Variants in FSTL5 observed in about 807,000 individuals in gnomAD.
FSTL5 encodes follistatin-related protein 5.
In FSTL5, 62 loss-of-function variants were observed where a neutral mutation model predicts 89.1. That is an observed-to-expected ratio of 0.70 (90% CI 0.57 to 0.86). FSTL5 has a LOEUF of 0.86. Among genes scored for constraint, FSTL5 ranks in the 40% least tolerant of loss-of-function variants. FSTL5 has a pLI of 0.00. For missense variants in FSTL5, 1,057 were observed against 1,001.6 expected (o/e 1.06, Z -0.75); for synonymous variants, 383 against 346.2 (o/e 1.11, Z -1.18).
intron 1 of FSTL5, among the ~76,000 whole-genome samples, chr4:162,163,343 A>G (rs1398955398): frequency 6.6e-6 from 1 of 151,482 alleles, no homozygotes; most frequent in Non-Finnish European, 1.5e-5. Flanking sequence ...ATATTTATAA[A>G]GCAAGATATA....
intron 4 of FSTL5, among the ~76,000 whole-genome samples, chr4:161,891,276 G>A (rs1329144577): frequency 6.6e-6 from 1 of 151,900 alleles, no homozygotes; most frequent in Non-Finnish European, 1.5e-5. Context: ...CCTTATTTCA[G>A]AATTTTATTT....
At position 161,694,083 on chromosome 4, in the gene FSTL5, G is replaced by T. The variant is rs1297756043; in HGVS notation, c.728-37589C>A. Among the ~76,000 whole-genome samples, 6 of 138,398 alleles carry T rather than the reference G, an allele frequency of 4.3e-5. No individual in the cohort carries two copies. The East Asian group carries it at 1.2e-3, about 27-fold the overall frequency. The allele number at this position is 138,398 out of a possible 152,430, so 90.8% of individuals were successfully genotyped here. ...ATCTTTACAAAGAACCAACTTTTAGGTTTATCTGTTCTCTCTATTGCTTTG... is the reference window on the plus strand; with the variant it reads ...ATCTTTACAAAGAACCAACTTTTAGTTTTATCTGTTCTCTCTATTGCTTTG... On this transcript the variant is annotated intron_variant, in intron 6 of 15. Transcript: ENST00000306100.
intron 3 of FSTL5, among the ~76,000 whole-genome samples, chr4:162,007,205 T>C (rs1201615746): frequency 3.3e-5 from 5 of 151,986 alleles, no homozygotes; most frequent in Middle Eastern, 3.4e-3. Context: ...GAGTGCTATG[T>C]TAAGCAAGCC....
intron 8 of FSTL5, among the ~76,000 whole-genome samples, chr4:161,549,343 T>C (rs1368180293): frequency 1.3e-5 from 2 of 151,790 alleles, no homozygotes; most frequent in Non-Finnish European, 2.9e-5. Flanking sequence ...CAAAGCAATA[T>C]ATATTGTAAA....
intron 4 of FSTL5, among the ~76,000 whole-genome samples, chr4:161,905,378 A>C (rs1226158396): frequency 6.6e-6 from 1 of 152,146 alleles, no homozygotes; most frequent in Non-Finnish European, 1.5e-5. Flanking sequence ...AGATGTCATT[A>C]CCACATTGTA....
chr4:161,785,508 T>C (rs1191997636), intron 4 of FSTL5, among the ~76,000 whole-genome samples: 1 of 152,180 alleles, frequency 6.6e-6, no homozygotes. Flanking sequence ...TTTGTATTCA[T>C]CTAACAATAT....
chr4:161,884,645 A>T (rs1440594), intron 4 of FSTL5, among the ~76,000 whole-genome samples: 126,854 of 152,146 alleles, frequency 0.83, 53,518 homozygotes, highest in Non-Finnish European at 0.9. Context: ...AATTACCTTT[A>T]TGCTTGAGAG....
intron 6 of FSTL5, among the ~76,000 whole-genome samples, chr4:161,663,831 G>C (rs906565093): frequency 6.6e-6 from 1 of 152,194 alleles, no homozygotes; most frequent in Non-Finnish European, 1.5e-5. Flanking sequence ...GCAAACTTAT[G>C]CCTGGGCATC....
At chr4:162,077,272 C>T (rs748200811) in intron 2 of FSTL5, among the ~76,000 whole-genome samples, 3 of 151,720 alleles carry the variant, frequency 2.0e-5, no homozygotes, top group Non-Finnish European at 4.4e-5. Context: ...GAGCCCACTC[C>T]TACTCCCATG....
intron 6 of FSTL5, among the ~76,000 whole-genome samples, chr4:161,669,790 A>G (rs1447465332): frequency 6.6e-6 from 1 of 152,140 alleles, no homozygotes; most frequent in East Asian, 1.9e-4. Context: ...ATACTAATTA[A>G]TAACAAGAGG....
intron 3 of FSTL5, among the ~76,000 whole-genome samples, chr4:162,026,304 C>CTTATTTTTTTTTTTTTTTTT (rs1737281262): frequency 1.3e-5 from 1 of 79,474 alleles, no homozygotes; most frequent in Non-Finnish European, 2.2e-5. Flanking sequence ...TATGTATTTT[C>CTTATTTTTTTTTTTTTTTTT]TTTTTTTTTT....
chr4:161,712,123 A>T (rs1738801914), intron 6 of FSTL5, among the ~76,000 whole-genome samples: 1 of 152,124 alleles, frequency 6.6e-6, no homozygotes, highest in Admixed American at 6.6e-5. Flanking sequence ...TTTGAGTTGG[A>T]TGGGGAGTGA....
rs1261996323 is a variant in FSTL5, at chr4:161,652,134, C to T, written c.894+4194G>A. Among the ~76,000 whole-genome samples, 3 of 152,050 alleles carry T rather than the reference C, an allele frequency of 2.0e-5. No individual in the cohort carries two copies. The South Asian group carries it at 6.2e-4, about 32-fold the overall frequency. On this transcript the variant is annotated intron_variant, in intron 7 of 15. Transcript: ENST00000306100. ...TGACCTTGGGTAAACAGTTAAGTAT[C>T]TCTTTTATCATCAATTTTCAGGCTG... is the stretch of plus-strand genomic sequence containing the variant.
At chr4:161,968,644 C>A (rs1353814167) in intron 3 of FSTL5, among the ~76,000 whole-genome samples, 2 of 151,880 alleles carry the variant, frequency 1.3e-5, no homozygotes, top group East Asian at 3.9e-4. Flanking sequence ...ACAACCATTC[C>A]TTTGATATAT....
chr4:161,692,013 A>G (rs1183359546), intron 6 of FSTL5, among the ~76,000 whole-genome samples: 1 of 152,082 alleles, frequency 6.6e-6, no homozygotes, highest in Non-Finnish European at 1.5e-5. Context: ...ACAAAAATAC[A>G]TATATATAAT....
At chr4:161,810,491 G>A (rs966990887) in intron 4 of FSTL5, among the ~76,000 whole-genome samples, 1 of 152,128 alleles carries the variant, frequency 6.6e-6, no homozygotes, top group Non-Finnish European at 1.5e-5. Flanking sequence ...ACAGGAAATT[G>A]AGAATTGACG....
chr4:161,868,252 C>T (rs1028895053), intron 4 of FSTL5, among the ~76,000 whole-genome samples: 12 of 151,962 alleles, frequency 7.9e-5, no homozygotes, highest in African/African-American at 2.9e-4. Context: ...ATCTACAATC[C>T]CTTTGCTCTC....
At chr4:161,709,423 C>T (rs1180310844) in intron 6 of FSTL5, among the ~76,000 whole-genome samples, 1 of 152,002 alleles carries the variant, frequency 6.6e-6, no homozygotes, top group East Asian at 1.9e-4. Flanking sequence ...ATGAGATATT[C>T]ATTCAGAAGA....
intron 8 of FSTL5, among the ~76,000 whole-genome samples, chr4:161,554,909 C>T (rs180824716): frequency 5.9e-5 from 9 of 151,750 alleles, no homozygotes; most frequent in African/African-American, 1.7e-4. Context: ...ATTTTAAATG[C>T]TACTGAGCTT....
Sources: allele counts gnomAD v4.1 joint callset (sites outside exome capture counted in the v4.1 genomes callset), GRCh38; gene constraint gnomAD v4.1.1; transcripts MANE v1.5; gene names NCBI Gene and HGNC (gene_info 2026-07-23, HGNC 2026-07-21).